The following AFG1L variants were observed in gnomAD, a reference collection of about 807,000 sequenced individuals.
AFG1L encodes AFG1 like ATPase, also known as AFG1-like ATPase.
AFG1L carries 53 observed loss-of-function variants against 62.2 expected under a neutral mutation model. The observed-to-expected ratio is 0.85, with a 90% CI of 0.68 to 1.07. The LOEUF is 1.07. Ranked by LOEUF, AFG1L falls within the 50% of genes least tolerant of loss-of-function variation. The probability of loss-of-function intolerance (pLI) is 0.00; values close to 1 mark genes in which losing one functional copy is unlikely to be tolerated. For synonymous variants in AFG1L, 228 were observed against 210.3 expected (o/e 1.08, Z -0.73); for missense variants, 555 against 590.5 (o/e 0.94, Z 0.62).
chr6:108,394,627 A>G (rs1781211424), intron 6 of AFG1L, among the ~76,000 whole-genome samples: 1 of 152,054 alleles, frequency 6.6e-6, no homozygotes, highest in Non-Finnish European at 1.5e-5. Context: ...TTATTTTGAG[A>G]TTAATCTATT....
chr6:108,418,997 A>C (rs1405157902), intron 7 of AFG1L, among the ~76,000 whole-genome samples: 1 of 152,112 alleles, frequency 6.6e-6, no homozygotes, highest in Non-Finnish European at 1.5e-5. Flanking sequence ...ATTTTACACA[A>C]ATTTTTCCAT....
At chr6:108,408,876 A>T (rs918427282) in intron 7 of AFG1L, among the ~76,000 whole-genome samples, 2 of 151,990 alleles carry the variant, frequency 1.3e-5, no homozygotes, top group African/African-American at 2.4e-5. Flanking sequence ...ATATTTTATC[A>T]TAGAAACAAA....
In AFG1L at chr6:108,516,845, T is replaced by G. The variant is rs143558201; in HGVS notation, c.1204-2852T>G. ...CAATGTGCAAAAATGACAAGCATTCTTATACACCAATAACAGAGAAACAGA... is the reference window on the plus strand; with the variant it reads ...CAATGTGCAAAAATGACAAGCATTCGTATACACCAATAACAGAGAAACAGA... On this transcript the variant is annotated intron_variant, in intron 11 of 12. Coordinates refer to ENST00000368977, the MANE Select transcript of AFG1L (RefSeq NM_145315.5). Among the ~76,000 whole-genome samples the G allele has an allele frequency of 9.4e-3, 1,426 of 152,252 alleles. 11 individuals carry two copies. The highest frequency in any genetic ancestry group is 0.02 in the Middle Eastern group (6 of 294).
intron 7 of AFG1L, among the ~76,000 whole-genome samples, chr6:108,430,163 A>G (rs1455355703): frequency 2.0e-5 from 3 of 152,008 alleles, no homozygotes; most frequent in Non-Finnish European, 4.4e-5. Flanking sequence ...GGCCAGGCTG[A>G]TCTCAAACTC....
At chr6:108,470,266 C>T (rs983490692) in intron 8 of AFG1L, among the ~76,000 whole-genome samples, 3 of 152,198 alleles carry the variant, frequency 2.0e-5, no homozygotes, top group Non-Finnish European at 4.4e-5. Flanking sequence ...TCTTCTTTCC[C>T]AAGGGGAAGG....
intron 2 of AFG1L, among the ~76,000 whole-genome samples, chr6:108,327,455 C>G (rs958386704): frequency 6.6e-6 from 1 of 152,204 alleles, no homozygotes; most frequent in Non-Finnish European, 1.5e-5. Flanking sequence ...AGGCCAAGAT[C>G]AAAGTGCTGG....
intron 1 of AFG1L, among the ~76,000 whole-genome samples, chr6:108,322,340 A>G (rs377472562): frequency 6.6e-6 from 1 of 152,092 alleles, no homozygotes; most frequent in Non-Finnish European, 1.5e-5. Context: ...TGTGCATCTC[A>G]TTGCCTCTTC....
At chr6:108,364,509 G>A (rs1027801897) in intron 5 of AFG1L, among the ~76,000 whole-genome samples, 31 of 152,206 alleles carry the variant, frequency 2.0e-4, no homozygotes, top group Admixed American at 1.2e-3. Flanking sequence ...TTTTTTCAAA[G>A]ACATTAATCA....
chr6:108,410,629 A>C (rs765174955), intron 7 of AFG1L, among the ~76,000 whole-genome samples: 3 of 152,204 alleles, frequency 2.0e-5, no homozygotes, highest in Non-Finnish European at 2.9e-5. Flanking sequence ...TTATACCACC[A>C]GTCAAAATTA....
chr6:108,428,006 A>T (rs924680193), intron 7 of AFG1L, among the ~76,000 whole-genome samples: 2 of 152,190 alleles, frequency 1.3e-5, no homozygotes. Flanking sequence ...TACATGAATG[A>T]ATTGTATAGT....
chr6:108,465,591 A>T (rs759850218), intron 8 of AFG1L, among the ~76,000 whole-genome samples: 2 of 152,118 alleles, frequency 1.3e-5, no homozygotes, highest in Non-Finnish European at 1.5e-5. Flanking sequence ...GTGTAAGGCA[A>T]TGTTACTATC....
At chr6:108,341,515 G>C (rs1406622390) in intron 2 of AFG1L, among the ~76,000 whole-genome samples, 1 of 152,164 alleles carries the variant, frequency 6.6e-6, no homozygotes, top group Non-Finnish European at 1.5e-5. Flanking sequence ...ACTTCCCTGT[G>C]CTGGGCCCTG....
chr6:108,469,604 C>T (rs1772806812), intron 8 of AFG1L, among the ~76,000 whole-genome samples: 1 of 152,132 alleles, frequency 6.6e-6, no homozygotes, highest in Non-Finnish European at 1.5e-5. Context: ...AAGGTGGCTG[C>T]AAGGAGACAG....
At chr6:108,389,414 G>A (rs1443729852) in intron 6 of AFG1L, among the ~76,000 whole-genome samples, 4 of 152,100 alleles carry the variant, frequency 2.6e-5, no homozygotes, top group African/African-American at 4.8e-5. Context: ...ATTTGATCCC[G>A]TCATTATGAT....
chr6:108,355,084 T>G (rs1779217533), intron 3 of AFG1L, among the ~76,000 whole-genome samples: 1 of 151,958 alleles, frequency 6.6e-6, no homozygotes. Context: ...ATACTAATCT[T>G]TATATTTCAT....
At chr6:108,455,122 A>G (rs1772202349) in intron 8 of AFG1L, among the ~76,000 whole-genome samples, 1 of 152,214 alleles carries the variant, frequency 6.6e-6, no homozygotes, top group African/African-American at 2.4e-5. Context: ...GCATCATGGC[A>G]CAGAAGAACA....
At chr6:108,430,463 T>C (rs1156994309) in intron 7 of AFG1L, among the ~76,000 whole-genome samples, 1 of 152,208 alleles carries the variant, frequency 6.6e-6, no homozygotes, top group East Asian at 1.9e-4. Flanking sequence ...TGTGCCTTGT[T>C]CTGGACATGG....
chr6:108,325,943 A>C (rs1444501429), intron 2 of AFG1L, among the ~76,000 whole-genome samples: 1 of 151,772 alleles, frequency 6.6e-6, no homozygotes, highest in Non-Finnish European at 1.5e-5. Flanking sequence ...TGCCTGGCTA[A>C]TTTTTGTATT....
rs148964379 is a variant in AFG1L at position 108,496,106 on chromosome 6, G to T, written c.1063-14106G>T. Among the ~76,000 whole-genome samples, 25 of 152,246 alleles carry T rather than the reference G, an allele frequency of 1.6e-4. No individual in the cohort carries two copies. In the East Asian group the frequency reaches 4.6e-3, roughly 28 times the overall value. On this transcript the variant is annotated intron_variant, in intron 10 of 12. Coordinates refer to ENST00000368977, the MANE Select transcript of AFG1L (RefSeq NM_145315.5). ...GCATGAATTCACAATACTAATTATG[G>T]TTTCAAAAAGTGTATTATGCTATGG...
Sources: gnomAD v4.1 joint callset for allele counts (sites outside exome capture counted in the v4.1 genomes callset) on GRCh38, gnomAD v4.1.1 for gene constraint, MANE v1.5 for transcripts, NCBI Gene and HGNC (gene_info 2026-07-23, HGNC 2026-07-21) for gene names.